The following RCBTB1 variants were observed in gnomAD, a reference collection of about 807,000 sequenced individuals.
RCBTB1 encodes RCC1 and BTB domain containing protein 1, also known as RCC1 and BTB domain-containing protein 1.
In RCBTB1, 46 loss-of-function variants were observed where a neutral mutation model predicts 62.4. That is an observed-to-expected ratio of 0.74 (90% confidence interval 0.58 to 0.94). The LOEUF (loss-of-function observed/expected upper bound fraction) is 0.94. Among genes scored for constraint, RCBTB1 ranks in the 40% least tolerant of loss-of-function variants. RCBTB1 has a pLI of 0.00. For synonymous variants in RCBTB1, 222 were observed against 245.8 expected, an observed-to-expected ratio of 0.90 and a Z score of 0.91; for missense variants, 565 against 654.9, an observed-to-expected ratio of 0.86 and a Z score of 1.50.
chr13:49,551,228 A>G (rs1189862089), intron 8 of RCBTB1, 98 bp downstream of exon 8: 2 of 1,391,796 alleles, frequency 1.4e-6, no homozygotes, highest in Non-Finnish European at 2.0e-6. Flanking sequence ...AATGTTAATA[A>G]ACAGAAGAAT....
Position 49,559,080 on chromosome 13 carries a change from T to C in RCBTB1, c.444+838A>G, listed in dbSNP as rs182080812. On this transcript the variant is annotated intron_variant, in intron 5 of 12. Transcript: ENST00000378302. ...ACCATAGGAACTTAACTCTTGTTTT[T>C]ATCAATTAGCCAATGGTAAAACTGG... Among the ~76,000 whole-genome samples the C allele has an allele frequency of 3.9e-3, 599 of 152,384 alleles. 1 individual carries two copies. The highest frequency in any genetic ancestry group is 6.4e-3 in the Non-Finnish European group (433 of 68,034).
chr13:49,546,947 CA>C (rs1960836204), intron 9 of RCBTB1: 1 of 985,118 alleles, frequency 1.0e-6, no homozygotes, highest in South Asian at 4.7e-5. Context: ...ATATTTTTTC[CA>C]AACTTAACAT....
chr13:49,580,798 C>A (rs1237935575), intron 1 of RCBTB1, among the ~76,000 whole-genome samples: 1 of 152,116 alleles, frequency 6.6e-6, no homozygotes, highest in African/African-American at 2.4e-5. Flanking sequence ...AACTGAAATT[C>A]CAGCAATGGA....
At chr13:49,556,035 G>A (rs1037783239) in intron 5 of RCBTB1, among the ~76,000 whole-genome samples, 1 of 152,122 alleles carries the variant, frequency 6.6e-6, no homozygotes, top group African/African-American at 2.4e-5. Context: ...TTGTGTGTGT[G>A]TGTATACACA....
chr13:49,566,054 T>TGAA (rs59803546), intron 4 of RCBTB1, among the ~76,000 whole-genome samples: 24,726 of 147,580 alleles, frequency 0.17, 2,253 homozygotes, highest in South Asian at 0.3. Flanking sequence ...AACAGATGCT[T>TGAA]GAAGGCAGCA....
At chr13:49,551,913 A>G (rs1298190554) in intron 7 of RCBTB1, among the ~76,000 whole-genome samples, 1 of 151,542 alleles carries the variant, frequency 6.6e-6, no homozygotes, top group Non-Finnish European at 1.5e-5. Flanking sequence ...AAAAAAAAAA[A>G]AAAAGCATTA....
In RCBTB1 at chr13:49,551,441, C is replaced by T; in HGVS notation, c.739G>A (p.Ala247Thr). 1 of 1,614,196 alleles carries T rather than the reference C, an allele frequency of 6.2e-7. No individual in the cohort carries two copies. Among genetic ancestry groups the T allele is most frequent in the South Asian group, 1.1e-5 (1 of 91,086 alleles). Residue 247 changes from alanine to threonine, a missense_variant, in exon 8 of 13, where the codon GCA (alanine) becomes ACA (threonine). Transcript: ENST00000378302. ...TACAGCAAGCCCTCATCTGTTAGTG[C>T]TAGAGTATGTGCGTAACCGCAGACA... ...QIVCGYAHTL[A>T]LTDEGLLYAW...
In RCBTB1 at chr13:49,534,028, T is replaced by C; in HGVS notation, c.*94A>G. 1 of 1,347,978 alleles carries C rather than the reference T, an allele frequency of 7.4e-7. No homozygotes were observed. 83.5% of individuals were successfully genotyped at this position (1,347,978 alleles called of 1,614,324 possible). ...TGGAAAAAAACAACCTGATGGTCTT[T>C]TACCTGCAGAATCACATCACCCGTA... is the stretch of plus-strand genomic sequence containing the variant. On this transcript the variant is annotated 3_prime_UTR_variant, in exon 13 of 13. Transcript: ENST00000378302.
intron 1 of RCBTB1, among the ~76,000 whole-genome samples, chr13:49,582,811 G>A (rs1205762483): frequency 3.1e-5 from 2 of 64,926 alleles, no homozygotes; most frequent in South Asian, 4.9e-4. Flanking sequence ...TCTCTTCTGA[G>A]GTCACCTATT....
At chr13:49,546,063 T>C (rs1036414447) in intron 9 of RCBTB1, 3 of 984,822 alleles carry the variant, frequency 3.0e-6, no homozygotes. Flanking sequence ...CCTTGCAACC[T>C]GGATCACTGG....
intron 2 of RCBTB1, among the ~76,000 whole-genome samples, chr13:49,573,811 C>T (rs929773222): frequency 7.9e-6 from 1 of 127,366 alleles, no homozygotes; most frequent in African/African-American, 3.0e-5. Context: ...TGAGACAGAG[C>T]CTCGCTCTGT....
chr13:49,557,988 T>C (rs902402004), intron 5 of RCBTB1, among the ~76,000 whole-genome samples: 1 of 152,182 alleles, frequency 6.6e-6, no homozygotes, highest in Non-Finnish European at 1.5e-5. Context: ...AACAGATGAA[T>C]AGACAAACAA....
rs1187460537 is a variant in RCBTB1 at position 49,532,874 on chromosome 13, T to G, written c.*1248A>C. Reference sequence around the variant, plus strand: ...CAGAGAGCAAAGCAAAACATTGCTCTTAAAAGCAAGCTCAACGGACACACA... The same window carrying G: ...CAGAGAGCAAAGCAAAACATTGCTCGTAAAAGCAAGCTCAACGGACACACA... On this transcript the variant is annotated 3_prime_UTR_variant, in exon 13 of 13. Coordinates refer to ENST00000378302, the MANE Select transcript of RCBTB1 (RefSeq NM_018191.4). The G allele has an allele frequency of 1.3e-4, 20 of 152,124 alleles. No individual in the cohort carries two copies. The highest frequency in any genetic ancestry group is 1.3e-3 in the Admixed American group (20 of 15,270). 9.4% of individuals were successfully genotyped at this position (152,124 alleles called of 1,614,324 possible). A position where few individuals can be genotyped will look rare whatever the true frequency, so the allele number is the denominator to read the frequency against.
intron 2 of RCBTB1, among the ~76,000 whole-genome samples, chr13:49,577,051 C>T (rs1963832804): frequency 6.6e-6 from 1 of 152,190 alleles, no homozygotes; most frequent in African/African-American, 2.4e-5. Context: ...GATCAATATC[C>T]CATTCCCTGG....
In RCBTB1 at chr13:49,533,933, G is replaced by T; in HGVS notation, c.*189C>A. ...ATACACTTATCTGGAAACAAGGGTTGTTTAAAATGGGCTCAAGAAAAGCCG... is the reference window on the plus strand; with the variant it reads ...ATACACTTATCTGGAAACAAGGGTTTTTTAAAATGGGCTCAAGAAAAGCCG... On this transcript the variant is annotated 3_prime_UTR_variant, in exon 13 of 13. Coordinates refer to ENST00000378302, the MANE Select transcript of RCBTB1 (RefSeq NM_018191.4). 1 of 498,398 alleles carries T rather than the reference G, an allele frequency of 2.0e-6. No individual in the cohort carries two copies. The highest frequency in any genetic ancestry group is 3.5e-6 in the Non-Finnish European group (1 of 287,750). 30.9% of individuals were successfully genotyped at this position (498,398 alleles called of 1,614,324 possible). A position where few individuals can be genotyped will look rare whatever the true frequency, so the allele number is the denominator to read the frequency against.
intron 10 of RCBTB1, 51 bp from the exon 11 acceptor site, chr13:49,541,878 AG>A (rs1960391610): frequency 6.5e-7 from 1 of 1,543,518 alleles, no homozygotes; most frequent in African/African-American, 1.4e-5. Flanking sequence ...TTTTTAAAAA[AG>A]AAAAAAAAAT....
intron 2 of RCBTB1, among the ~76,000 whole-genome samples, chr13:49,575,544 G>A (rs980037051): frequency 6.6e-6 from 1 of 151,946 alleles, no homozygotes; most frequent in African/African-American, 2.4e-5. Context: ...AGAAAATGTG[G>A]TATATATACA....
In RCBTB1 at chr13:49,541,814, G is replaced by A. The variant is rs761026380; in HGVS notation, c.1186C>T (p.Arg396Ter). The A allele has an allele frequency of 3.7e-6, 6 of 1,611,364 alleles. No individual in the cohort carries two copies. The highest frequency in any genetic ancestry group is 5.1e-6 in the Non-Finnish European group (6 of 1,179,208). The change falls in exon 11 of 13, where the codon CGA (arginine) becomes TGA (stop). Residue 396 changes from arginine to a stop codon, truncating the protein, a stop_gained. Transcript: ENST00000378302. LOFTEE classifies it high-confidence loss of function. ...AVLKIRCEHF[R>*]SMFQSYWNED... ...TTCCAATACGACTGGAACATGGATC[G>A]AAAATGCTCACACCTAAAACAGCAA...
chr13:49,561,968 T>C (rs907934186), intron 4 of RCBTB1, among the ~76,000 whole-genome samples: 1 of 149,646 alleles, frequency 6.7e-6, no homozygotes, highest in Non-Finnish European at 1.5e-5. Flanking sequence ...CCAGGCATGG[T>C]AGCGCGCACC....
Sources: allele counts gnomAD v4.1 joint callset (sites outside exome capture counted in the v4.1 genomes callset), GRCh38; gene constraint gnomAD v4.1.1; transcripts MANE v1.5; gene names NCBI Gene and HGNC (gene_info 2026-07-23, HGNC 2026-07-21).